The following SLC24A4 variants were observed in gnomAD, a reference collection of about 807,000 sequenced individuals.
SLC24A4 encodes sodium/potassium/calcium exchanger 4.
In SLC24A4, 53 loss-of-function variants were observed where a neutral mutation model predicts 79.0. The observed-to-expected ratio is 0.67, with a 90% CI of 0.54 to 0.84. The LOEUF is 0.84. Ranked by LOEUF, SLC24A4 falls within the 40% of genes least tolerant of loss-of-function variation. The pLI is 0.00. For synonymous variants in SLC24A4, 323 were observed against 323.8 expected, an observed-to-expected ratio of 1.00 and a Z score of 0.03; for missense variants, 731 against 822.0, an observed-to-expected ratio of 0.89 and a Z score of 1.35.
chr14:92,438,247 C>T (rs1203292367), intron 3 of SLC24A4, among the ~76,000 whole-genome samples: 1 of 152,150 alleles, frequency 6.6e-6, no homozygotes, highest in Non-Finnish European at 1.5e-5. Flanking sequence ...TTTGCTAGAG[C>T]GGCTCGCAGA....
At chr14:92,401,690 T>G (rs1487989092) in intron 2 of SLC24A4, among the ~76,000 whole-genome samples, 1 of 152,208 alleles carries the variant, frequency 6.6e-6, no homozygotes, top group Non-Finnish European at 1.5e-5. Context: ...CCTTCACATG[T>G]GACCTTGGGC....
chr14:92,344,390 C>G (rs1886403742), intron 2 of SLC24A4, among the ~76,000 whole-genome samples: 1 of 152,162 alleles, frequency 6.6e-6, no homozygotes, highest in Non-Finnish European at 1.5e-5. Context: ...GTTTGTTATG[C>G]AACATAACCT....
At chr14:92,389,434 C>T (rs1335024337) in intron 2 of SLC24A4, among the ~76,000 whole-genome samples, 5 of 152,142 alleles carry the variant, frequency 3.3e-5, no homozygotes, top group African/African-American at 1.2e-4. Flanking sequence ...ACCGTTCTTC[C>T]CCATGAACAG....
chr14:92,436,373 G>A (rs1892168013), intron 3 of SLC24A4, among the ~76,000 whole-genome samples: 1 of 152,088 alleles, frequency 6.6e-6, no homozygotes, highest in African/African-American at 2.4e-5. Context: ...CACAACAGCA[G>A]AATAGTTGTG....
intron 12 of SLC24A4, among the ~76,000 whole-genome samples, chr14:92,467,565 G>A (rs781745144): frequency 1.3e-5 from 2 of 152,222 alleles, no homozygotes; most frequent in African/African-American, 2.4e-5. Context: ...GGGAAGCTGA[G>A]GGACAGAGAG....
At chr14:92,362,206 G>T (rs1424911929) in intron 2 of SLC24A4, among the ~76,000 whole-genome samples, 1 of 69,026 alleles carries the variant, frequency 1.4e-5, no homozygotes, top group Non-Finnish European at 3.8e-5. Flanking sequence ...TGACCTCAGG[G>T]GCCTCTCAGG....
Position 92,353,726 on chromosome 14 carries a change from C to G in SLC24A4, c.241+27748C>G, listed in dbSNP as rs1282175953. Among the ~76,000 whole-genome samples the G allele has an allele frequency of 1.3e-5, 2 of 152,158 alleles. No individual in the cohort carries two copies. The highest frequency in any genetic ancestry group is 2.9e-5 in the Non-Finnish European group (2 of 68,028). On this transcript the variant is annotated intron_variant, in intron 2 of 16. Coordinates refer to ENST00000532405, the MANE Select transcript of SLC24A4 (RefSeq NM_153646.4). This position sits in a 1 kb window ranked among gnomAD's most constrained non-coding sequence, Gnocchi z 4.1. ...GTGTAGGCATTTAATCAGCTGTACC[C>G]TACTTGGGCTGTGTTGTCAGAAAAG...
chr14:92,473,787 C>T (rs1328208351), intron 12 of SLC24A4, among the ~76,000 whole-genome samples: 2 of 152,296 alleles, frequency 1.3e-5, no homozygotes, highest in Non-Finnish European at 2.9e-5. Flanking sequence ...GCCACATGCA[C>T]GCCGAAATCG....
rs34611498 is a variant in SLC24A4 at position 92,498,500 on chromosome 14, CT to C, written c.*4888del. On this transcript the variant is annotated 3_prime_UTR_variant, in exon 17 of 17. Transcript: ENST00000532405. ...CCACAGGGTACAGGTTTTAAAAAGG[CT>C]TTTTTTTTTTTTTTTGAGACAGGGT... The C allele has an allele frequency of 0.14, 20,147 of 139,098 alleles. 1,202 individuals are homozygous for C. The highest frequency in any genetic ancestry group is 0.16 in the Non-Finnish European group (10,375 of 64,284). 8.6% of individuals were successfully genotyped at this position (139,098 alleles called of 1,614,324 possible). A position where few individuals can be genotyped will look rare whatever the true frequency, so the allele number is the denominator to read the frequency against.
intron 14 of SLC24A4, among the ~76,000 whole-genome samples, chr14:92,488,514 G>T (rs1895500913): frequency 1.3e-5 from 1 of 75,114 alleles, no homozygotes; most frequent in Non-Finnish European, 2.6e-5. Context: ...GGACATGAAT[G>T]GGGGCAGGGT....
intron 10 of SLC24A4, 105 bp downstream of exon 10, chr14:92,449,321 CA>C (rs768731481): frequency 0.03 from 36,786 of 1,236,540 alleles, 659 homozygotes; most frequent in Non-Finnish European, 0.033. Context: ...CACACACACA[CA>C]CCCTCTCACA....
intron 3 of SLC24A4, among the ~76,000 whole-genome samples, chr14:92,437,397 C>T (rs929125697): frequency 3.3e-5 from 5 of 152,202 alleles, no homozygotes; most frequent in Admixed American, 1.3e-4. Flanking sequence ...CTGATCCCCT[C>T]GGTAGTTCCT....
chr14:92,326,470 AC>A (rs36025556), intron 2 of SLC24A4, among the ~76,000 whole-genome samples: 13,955 of 152,102 alleles, frequency 0.092, 836 homozygotes, highest in Middle Eastern at 0.14. Context: ...GGGAGTCGGC[AC>A]GGTGTCATTC....
Position 92,430,951 on chromosome 14 carries a change from C to T in SLC24A4, c.242-2961C>T, listed in dbSNP as rs567229509. Among the ~76,000 whole-genome samples, 55 of 152,354 alleles carry T rather than the reference C, an allele frequency of 3.6e-4. No individual in the cohort carries two copies. In the South Asian group the frequency reaches 0.011, roughly 30 times the overall value. On this transcript the variant is annotated intron_variant, in intron 2 of 16. Coordinates refer to ENST00000532405, the MANE Select transcript of SLC24A4 (RefSeq NM_153646.4). ...AGCAGGCTCAGCCCCCTCAGACACGCAAGCATCCCGCCCTTGAACATGGCC... is the reference window on the plus strand; with the variant it reads ...AGCAGGCTCAGCCCCCTCAGACACGTAAGCATCCCGCCCTTGAACATGGCC...
chr14:92,489,106 T>C (rs1157748027), intron 14 of SLC24A4, among the ~76,000 whole-genome samples: 1 of 151,840 alleles, frequency 6.6e-6, no homozygotes, highest in Non-Finnish European at 1.5e-5. Context: ...CAGGGTAACA[T>C]TGATATGATT....
intron 2 of SLC24A4, among the ~76,000 whole-genome samples, chr14:92,417,507 A>G (rs1053200004): frequency 6.6e-6 from 1 of 152,000 alleles, no homozygotes; most frequent in Non-Finnish European, 1.5e-5. Flanking sequence ...GTTATTATTG[A>G]TGAAGCATAT....
intron 3 of SLC24A4, 78 bp from the exon 4 acceptor site, chr14:92,439,257 G>A: frequency 8.0e-7 from 1 of 1,251,486 alleles, no homozygotes; most frequent in Non-Finnish European, 1.2e-6. Flanking sequence ...CTGGCAGCCT[G>A]GTTTGGGGTG....
chr14:92,361,915 T>A (rs1887553836), intron 2 of SLC24A4, among the ~76,000 whole-genome samples: 1 of 152,056 alleles, frequency 6.6e-6, no homozygotes. Context: ...GGATATGGCA[T>A]CTCAAAGGGG....
intron 2 of SLC24A4, among the ~76,000 whole-genome samples, chr14:92,405,213 C>A (rs914769365): frequency 2.0e-5 from 3 of 152,202 alleles, no homozygotes; most frequent in African/African-American, 7.2e-5. Context: ...TCTGCCCAGC[C>A]AGGCAGACCA....
Sources: allele counts gnomAD v4.1 joint callset (sites outside exome capture counted in the v4.1 genomes callset), GRCh38; gene constraint gnomAD v4.1.1; non-coding constraint Gnocchi (gnomAD v3.1); transcripts MANE v1.5; gene names NCBI Gene and HGNC (gene_info 2026-07-23, HGNC 2026-07-21).